WBP1L: variants seen among roughly 807,000 people sequenced by gnomAD.
WBP1L encodes WW domain binding protein 1-like.
In WBP1L, 17 loss-of-function variants were observed where a neutral mutation model predicts 33.7. That is an observed-to-expected ratio of 0.50 (90% CI 0.34 to 0.76). The LOEUF (loss-of-function observed/expected upper bound fraction) is 0.76. Ranked by LOEUF, WBP1L falls within the 30% of genes least tolerant of loss-of-function variation. The probability of loss-of-function intolerance (pLI) is 0.01; values close to 1 mark genes in which losing one functional copy is unlikely to be tolerated. For missense variants in WBP1L, 389 were observed against 469.4 expected (o/e 0.83, Z 1.58); for synonymous variants, 173 against 190.8 (o/e 0.91, Z 0.77).
chr10:102,760,365 TTTCTTTCTTTC>T (rs1843021403), intron 1 of WBP1L, among the ~76,000 whole-genome samples: 1 of 94,402 alleles, frequency 1.1e-5, no homozygotes, highest in Admixed American at 1.1e-4. Flanking sequence ...TCTTTCTTTC[TTTCTTTCTTTC>T]TTTTTTTTTT....
chr10:102,806,041 A>G lies in WBP1L; in HGVS notation c.194-3852A>G, dbSNP rs1342161414. On this transcript the variant is annotated intron_variant, in intron 2 of 3. Coordinates refer to ENST00000448841, the MANE Select transcript of WBP1L (RefSeq NM_001083913.2). ...CATGGTGAAACCCTGTCTCTACTAA[A>G]AATACAAAAAAAAAAAAACCAATTA... Among the ~76,000 whole-genome samples the G allele has an allele frequency of 2.1e-5, 3 of 141,032 alleles. No homozygotes were observed. The East Asian group carries it at 5.9e-4, about 28-fold the overall frequency. 92.5% of individuals were successfully genotyped at this position (141,032 alleles called of 152,430 possible). A position where few individuals can be genotyped will look rare whatever the true frequency, so the allele number is the denominator to read the frequency against.
In WBP1L at chr10:102,754,973, G is replaced by A. The variant is rs571727611; in HGVS notation, c.90+10830G>A. ...ACCTTTCACCTTTTTTTTTTGAGAT[G>A]AAGTCTCGCTCTGTCGCCCAGGCTG... On this transcript the variant is annotated intron_variant, in intron 1 of 3. Transcript: ENST00000448841. Among the ~76,000 whole-genome samples, 383 of 148,408 alleles carry A rather than the reference G, an allele frequency of 2.6e-3. 1 individual carries two copies. Among genetic ancestry groups the A allele is most frequent in the Non-Finnish European group, 4.3e-3 (287 of 67,126 alleles).
intron 1 of WBP1L, among the ~76,000 whole-genome samples, chr10:102,750,236 C>T (rs1842912072): frequency 6.6e-6 from 1 of 151,028 alleles, no homozygotes; most frequent in African/African-American, 2.4e-5. Flanking sequence ...GGTGAAACCT[C>T]ATCTCTACCA....
intron 2 of WBP1L, chr10:102,804,058 C>A (rs1047090787): frequency 2.6e-5 from 4 of 152,120 alleles, no homozygotes; most frequent in African/African-American, 7.2e-5. Flanking sequence ...AATGAACTTT[C>A]TTCCTTGGTT....
intron 1 of WBP1L, among the ~76,000 whole-genome samples, chr10:102,796,589 G>T (rs1033525344): frequency 6.6e-6 from 1 of 152,208 alleles, no homozygotes; most frequent in African/African-American, 2.4e-5. Flanking sequence ...TGTGCACTGT[G>T]GGCAGGGCCA....
chr10:102,781,390 C>T (rs1843334060), intron 1 of WBP1L, among the ~76,000 whole-genome samples: 1 of 152,158 alleles, frequency 6.6e-6, no homozygotes, highest in Non-Finnish European at 1.5e-5. Flanking sequence ...GAGGTCTTAT[C>T]TCCTTTTTGC....
intron 1 of WBP1L, among the ~76,000 whole-genome samples, chr10:102,763,722 A>G (rs1843071893): frequency 6.6e-6 from 1 of 152,220 alleles, no homozygotes; most frequent in Non-Finnish European, 1.5e-5. Context: ...GGATAGCAAT[A>G]TCCTGTTACC....
At chr10:102,789,641 C>T (rs781340037) in intron 1 of WBP1L, among the ~76,000 whole-genome samples, 27 of 152,026 alleles carry the variant, frequency 1.8e-4, no homozygotes, top group Non-Finnish European at 3.1e-4. Context: ...GTTAATTGTC[C>T]GTCTTCCCAA....
In WBP1L at chr10:102,813,137, G is replaced by T; in HGVS notation, c.898G>T (p.Gly300Trp). ...CACACTCATCGATGATGCTCTGGAT[G>T]GGCCCCTGGACTTCTGCGACAGCTG... Reference protein sequence around the residue: ...FNTLIDDALDGPLDFCDSCHV... With the variant: ...FNTLIDDALDWPLDFCDSCHV... The change falls in exon 4 of 4, where the codon GGG (glycine) becomes TGG (tryptophan). Residue 300 changes from glycine (G) to tryptophan (W), a missense_variant. Physicochemically the swap from Gly to Trp is radical, Grantham distance 184. Transcript: ENST00000448841. 1 of 1,614,060 alleles carries T rather than the reference G, an allele frequency of 6.2e-7. No homozygotes were observed. The highest frequency in any genetic ancestry group is 1.7e-5 in the Admixed American group (1 of 60,024).
chr10:102,745,882 G>A (rs1185019833), intron 1 of WBP1L, among the ~76,000 whole-genome samples: 1 of 151,890 alleles, frequency 6.6e-6, no homozygotes, highest in African/African-American at 2.4e-5. Context: ...TATTTTTTTT[G>A]TTTACTAGAA....
chr10:102,798,018 A>G lies in WBP1L; in HGVS notation c.116A>G (p.Asn39Ser). ...PQDKEACVGT[N>S]NQSYICDTGH... ...GATAAGGAAGCCTGTGTGGGTACCA[A>G]CAATCAAAGCTACATCTGTGACACA... Residue 39 changes from asparagine to serine, a missense_variant, in exon 2 of 4, where the codon AAC (asparagine) becomes AGC (serine). Coordinates refer to ENST00000448841, the MANE Select transcript of WBP1L (RefSeq NM_001083913.2). 3.1e-6 allele frequency: 5 copies of G among 1,614,128 alleles called. No individual in the cohort carries two copies. Among genetic ancestry groups the G allele is most frequent in the Middle Eastern group, 3.3e-4 (2 of 6,010 alleles).
chr10:102,745,066 C>A (rs1842849984), intron 1 of WBP1L, among the ~76,000 whole-genome samples: 1 of 152,162 alleles, frequency 6.6e-6, no homozygotes, highest in South Asian at 2.1e-4. Context: ...CTTTATGATT[C>A]TTTTTTCTTC....
intron 1 of WBP1L, among the ~76,000 whole-genome samples, chr10:102,750,604 C>T (rs905620080): frequency 1.8e-4 from 27 of 151,846 alleles, no homozygotes; most frequent in African/African-American, 4.4e-4. Context: ...AGAGTTCAAG[C>T]GCTTCTCCTG....
intron 2 of WBP1L, among the ~76,000 whole-genome samples, chr10:102,809,078 CTGTTT>C (rs10624878): frequency 1.1e-4 from 17 of 150,724 alleles, no homozygotes; most frequent in African/African-American, 2.2e-4. Flanking sequence ...TGTCATCATT[CTGTTT>C]TGTTTTGTTT....
At chr10:102,753,680 T>C (rs1015681819) in intron 1 of WBP1L, among the ~76,000 whole-genome samples, 1 of 152,210 alleles carries the variant, frequency 6.6e-6, no homozygotes, top group African/African-American at 2.4e-5. Flanking sequence ...TTTCTTCTGC[T>C]CCTGGTGCTG....
At chr10:102,765,093 G>A (rs1399839106) in intron 1 of WBP1L, among the ~76,000 whole-genome samples, 1 of 152,242 alleles carries the variant, frequency 6.6e-6, no homozygotes, top group East Asian at 1.9e-4. Context: ...TGAGACACAC[G>A]GAGGCTTTGC....
chr10:102,795,899 C>G (rs1235266489), intron 1 of WBP1L, among the ~76,000 whole-genome samples: 1 of 152,122 alleles, frequency 6.6e-6, no homozygotes, highest in Non-Finnish European at 1.5e-5. Flanking sequence ...CCACACGCAC[C>G]AGGCTTCAGA....
At position 102,816,095 on chromosome 10, in the gene WBP1L, C is replaced by T. The variant is rs14849; in HGVS notation, c.*2764C>T. 8,158 of 152,668 alleles carry T rather than the reference C, an allele frequency of 0.053. 488 individuals carry two copies. Among genetic ancestry groups the T allele is most frequent in the African/African-American group, 0.14 (5,728 of 41,510 alleles). The allele number at this position is 152,668 out of a possible 1,614,324, so 9.5% of individuals were successfully genotyped here. ...TGCGAACACATTCCTGTGTGAGGCA[C>T]GTTACCCTTTGTCAGTTATTGTGAA... On this transcript the variant is annotated 3_prime_UTR_variant, in exon 4 of 4. Transcript: ENST00000448841.
intron 1 of WBP1L, among the ~76,000 whole-genome samples, chr10:102,769,917 A>G (rs1387646138): frequency 6.6e-6 from 1 of 152,236 alleles, no homozygotes; most frequent in Non-Finnish European, 1.5e-5. Context: ...TGGAAGAGAT[A>G]AGCTCTGTGA....
Sources: gnomAD v4.1 joint callset for allele counts (sites outside exome capture counted in the v4.1 genomes callset) on GRCh38, gnomAD v4.1.1 for gene constraint, MANE v1.5 for transcripts, NCBI Gene and HGNC (gene_info 2026-07-23, HGNC 2026-07-21) for gene names.